The following ZNF26 variants were observed in gnomAD, a reference collection of about 807,000 sequenced individuals.
ZNF26 encodes zinc finger protein 26.
A neutral mutation model predicts 54.9 loss-of-function variants in ZNF26; 32 were observed. The observed-to-expected ratio is 0.58, with a 90% CI of 0.44 to 0.78. The LOEUF is 0.78. ZNF26 is among the 30% of genes least tolerant of loss of function. ZNF26 has a pLI of 0.00. For synonymous variants in ZNF26, 221 were observed against 209.2 expected (o/e 1.06, Z -0.49); for missense variants, 524 against 634.0 (o/e 0.83, Z 1.86).
rs1036544459 is a variant in ZNF26 at position 133,007,518 on chromosome 12, G to C, written c.242G>C (p.Arg81Thr). 1.0e-4 allele frequency: 164 copies of C among 1,613,326 alleles called. No homozygotes were observed. Among genetic ancestry groups the C allele is most frequent in the Non-Finnish European group, 1.4e-4 (161 of 1,179,596 alleles). Reference protein sequence around the residue: ...DPWIINAKISRQSCPDGWEEW... With the variant: ...DPWIINAKISTQSCPDGWEEW... ...TGGATAATAAATGCCAAAATTTCCAGGCAGAGCTGTCCAGGTGGGTGAGTG... is the reference window on the plus strand; with the variant it reads ...TGGATAATAAATGCCAAAATTTCCACGCAGAGCTGTCCAGGTGGGTGAGTG... The change falls in exon 3 of 4, where the codon AGG becomes ACG. Residue 81 changes from arginine (R) to threonine (T), a missense_variant. Transcript: ENST00000328654.
chr12:132,999,417 G>C (rs1953163136), intron 1 of ZNF26, among the ~76,000 whole-genome samples: 1 of 151,760 alleles, frequency 6.6e-6, no homozygotes, highest in South Asian at 2.1e-4. Flanking sequence ...ACCACACCTG[G>C]CTGATTTTTT....
chr12:133,006,864 G>C (rs1363971820), intron 1 of ZNF26, 178 bp from the exon 2 acceptor site: 29 of 769,532 alleles, frequency 3.8e-5, no homozygotes, highest in Non-Finnish European at 6.0e-5. Context: ...AAGTGCTGGC[G>C]TGAGCCACCG....
At position 133,026,519 on chromosome 12, in the gene ZNF26, C is replaced by CTTTTTT. The variant is rs77349696; in HGVS notation, c.*15058_*15063dup. 7 of 122,466 alleles carry CTTTTTT rather than the reference C, an allele frequency of 5.7e-5. 1 individual carries two copies. Among genetic ancestry groups the CTTTTTT allele is most frequent in the African/African-American group, 2.5e-4 (7 of 27,484 alleles). The allele number at this position is 122,466 out of a possible 1,614,324, so 7.6% of individuals were successfully genotyped here. ...AAAAGGACAACTTCATATAGTTCAACTTTTTTTTTTTTTTTTTTTTTTTTT... is the reference window on the plus strand; with the variant it reads ...AAAAGGACAACTTCATATAGTTCAACTTTTTTTTTTTTTTTTTTTTTTTTTTTTTTT... On this transcript the variant is annotated 3_prime_UTR_variant, in exon 4 of 4. Transcript: ENST00000328654.
At position 133,022,903 on chromosome 12, in the gene ZNF26, T is replaced by C. The variant is rs1368118754; in HGVS notation, c.*11422T>C. On this transcript the variant is annotated 3_prime_UTR_variant, in exon 4 of 4. Coordinates refer to ENST00000328654, the MANE Select transcript of ZNF26 (RefSeq NM_019591.4). Reference sequence around the variant, plus strand: ...TATATATTGTTTAGGCATATGTGTTTATGTGACAAAACAACGGGGAAAAAA... The same window carrying C: ...TATATATTGTTTAGGCATATGTGTTCATGTGACAAAACAACGGGGAAAAAA... 6.6e-6 allele frequency: 1 copy of C among 152,190 alleles called. No homozygotes were observed. The highest frequency in any genetic ancestry group is 1.5e-5 in the Non-Finnish European group (1 of 68,042). The allele number at this position is 152,190 out of a possible 1,614,324, so 9.4% of individuals were successfully genotyped here.
At chr12:132,999,595 A>G (rs893276384) in intron 1 of ZNF26, among the ~76,000 whole-genome samples, 6 of 152,088 alleles carry the variant, frequency 3.9e-5, no homozygotes, top group African/African-American at 1.4e-4. Context: ...TGGTTTACAC[A>G]AAGTATAATA....
chr12:132,997,196 G>A (rs1313727267), intron 1 of ZNF26, among the ~76,000 whole-genome samples: 1 of 152,248 alleles, frequency 6.6e-6, no homozygotes, highest in South Asian at 2.1e-4. Context: ...CAGAACAGGG[G>A]CTAATCAGAA....
chr12:132,991,638 A>C (rs1213392416), intron 1 of ZNF26, among the ~76,000 whole-genome samples: 19 of 29,932 alleles, frequency 6.3e-4, no homozygotes, highest in Admixed American at 4.9e-3. Flanking sequence ...AACAAAAAAA[A>C]AAAAAACCTA....
intron 1 of ZNF26, among the ~76,000 whole-genome samples, chr12:132,993,316 C>T (rs1276205084): frequency 5.3e-5 from 8 of 152,122 alleles, no homozygotes; most frequent in Middle Eastern, 3.4e-3. Context: ...TGAGCCACTA[C>T]GCCTGGCCTG....
chr12:132,995,471 ATATAT>A (rs1953058569), intron 1 of ZNF26, among the ~76,000 whole-genome samples: 1 of 150,590 alleles, frequency 6.6e-6, no homozygotes, highest in African/African-American at 2.4e-5. Flanking sequence ...TTACATAGTT[ATATAT>A]TATGATAGTT....
In ZNF26 at chr12:133,025,811, G is replaced by A. The variant is rs1282187338; in HGVS notation, c.*14330G>A. On this transcript the variant is annotated 3_prime_UTR_variant, in exon 4 of 4. Coordinates refer to ENST00000328654, the MANE Select transcript of ZNF26 (RefSeq NM_019591.4). Reference sequence around the variant, plus strand: ...AGAAAAAAAAGAATGCAGCAGAGATGAAGCTGTGTAACTTCCAAAGCTAGG... The same window carrying A: ...AGAAAAAAAAGAATGCAGCAGAGATAAAGCTGTGTAACTTCCAAAGCTAGG... 3.3e-5 allele frequency: 5 copies of A among 152,216 alleles called. No homozygotes were observed. Among genetic ancestry groups the A allele is most frequent in the Admixed American group, 6.5e-5 (1 of 15,282 alleles). 9.4% of individuals were successfully genotyped at this position (152,216 alleles called of 1,614,324 possible).
chr12:132,991,306 A>G (rs913290833), intron 1 of ZNF26, among the ~76,000 whole-genome samples: 3 of 149,910 alleles, frequency 2.0e-5, no homozygotes, highest in Non-Finnish European at 3.0e-5. Flanking sequence ...GACCAGCCTG[A>G]TCAACATGGT....
intron 1 of ZNF26, chr12:133,005,009 G>C (rs749747941): frequency 6.6e-6 from 1 of 151,720 alleles, no homozygotes; most frequent in Non-Finnish European, 1.5e-5. Context: ...CTTAAATTTG[G>C]ACCTTTTTTT....
At position 133,015,033 on chromosome 12, in the gene ZNF26, C is replaced by T. The variant is rs370446845; in HGVS notation, c.*3552C>T. The stretch of plus-strand genomic sequence containing the variant: ...AAGACCCTCAGCCCTCTCCCTCCAC[C>T]AAGACCCAATAAAAGTGTGTTATTG... On this transcript the variant is annotated 3_prime_UTR_variant, in exon 4 of 4. Coordinates refer to ENST00000328654, the MANE Select transcript of ZNF26 (RefSeq NM_019591.4). The T allele has an allele frequency of 6.6e-6, 1 of 152,252 alleles. No individual in the cohort carries two copies. Among genetic ancestry groups the T allele is most frequent in the African/African-American group, 2.4e-5 (1 of 41,526 alleles). The allele number at this position is 152,252 out of a possible 1,614,324, so 9.4% of individuals were successfully genotyped here. A position where few individuals can be genotyped will look rare whatever the true frequency, so the allele number is the denominator to read the frequency against.
In ZNF26 at chr12:133,010,316, TAAGA is replaced by T. The variant is rs1182005373; in HGVS notation, c.443_446del (p.Lys148IlefsTer22). The stretch of plus-strand genomic sequence containing the variant: ...AACTCAGCTCCAAGCAGAAGTTATT[TAAGA>T]AAGAATCCTGATAAGTTTCATGGTT... On this transcript the variant is annotated frameshift_variant, in exon 4 of 4. Transcript: ENST00000328654. LOFTEE classifies it high-confidence loss of function. 6.2e-7 allele frequency: 1 copy of T among 1,613,894 alleles called. No homozygotes were observed. The highest frequency in any genetic ancestry group is 2.2e-5 in the East Asian group (1 of 44,882).
At position 133,013,637 on chromosome 12, in the gene ZNF26, A is replaced by C. The variant is rs1399003054; in HGVS notation, c.*2156A>C. On this transcript the variant is annotated 3_prime_UTR_variant, in exon 4 of 4. Coordinates refer to ENST00000328654, the MANE Select transcript of ZNF26 (RefSeq NM_019591.4). ...TAGCAAACTCTTCTGATAGACTTTG[A>C]ATAGGAGTATCTGGGAAGAACCTGA... is the stretch of plus-strand genomic sequence containing the variant. The C allele has an allele frequency of 6.1e-6, 1 of 163,658 alleles. No homozygotes were observed. Among genetic ancestry groups the C allele is most frequent in the Admixed American group, 6.5e-5 (1 of 15,294 alleles). 10.1% of individuals were successfully genotyped at this position (163,658 alleles called of 1,614,324 possible).
chr12:133,010,092 T>G (rs1593669240), intron 3 of ZNF26, 44 bp from the exon 4 acceptor site: 1 of 1,543,564 alleles, frequency 6.5e-7, no homozygotes, highest in Non-Finnish European at 8.7e-7. Context: ...ATATCAGGTT[T>G]ATGTTATGAT....
rs1953701352 is a variant in ZNF26, at chr12:133,026,135, A to T, written c.*14654A>T. The T allele has an allele frequency of 6.7e-6, 1 of 150,214 alleles. No individual in the cohort carries two copies. Among genetic ancestry groups the T allele is most frequent in the Non-Finnish European group, 1.5e-5 (1 of 67,750 alleles). The allele number at this position is 150,214 out of a possible 1,614,324, so 9.3% of individuals were successfully genotyped here. A position where few individuals can be genotyped will look rare whatever the true frequency, so the allele number is the denominator to read the frequency against. On this transcript the variant is annotated 3_prime_UTR_variant, in exon 4 of 4. Coordinates refer to ENST00000328654, the MANE Select transcript of ZNF26 (RefSeq NM_019591.4). Reference sequence around the variant, plus strand: ...TTTTTTTTTTTTGAGATGCACTCTCACTCTTTCCCAGGCTGGAGTGCAGTG... The same window carrying T: ...TTTTTTTTTTTTGAGATGCACTCTCTCTCTTTCCCAGGCTGGAGTGCAGTG...
Position 133,023,906 on chromosome 12 carries a change from A to G in ZNF26, c.*12425A>G, listed in dbSNP as rs1486152165. On this transcript the variant is annotated 3_prime_UTR_variant, in exon 4 of 4. Coordinates refer to ENST00000328654, the MANE Select transcript of ZNF26 (RefSeq NM_019591.4). ...AATCTCAAATAATCCATATAGAGAA[A>G]CCACATAGAGAGGCTCTGAGATTAC... 1 of 152,186 alleles carries G rather than the reference A, an allele frequency of 6.6e-6. No homozygotes were observed. Among genetic ancestry groups the G allele is most frequent in the East Asian group, 1.9e-4 (1 of 5,196 alleles). 9.4% of individuals were successfully genotyped at this position (152,186 alleles called of 1,614,324 possible).
rs753230516 is a variant in ZNF26 at position 133,019,017 on chromosome 12, GAAGTA to G, written c.*7540_*7544del. On this transcript the variant is annotated 3_prime_UTR_variant, in exon 4 of 4. Coordinates refer to ENST00000328654, the MANE Select transcript of ZNF26 (RefSeq NM_019591.4). ...CATACTCAAAGATACAATTGGATTA[GAAGTA>G]AAGGATGGAAAAAGATATAAAACGC... 4.6e-5 allele frequency: 7 copies of G among 152,136 alleles called. No individual in the cohort carries two copies. The highest frequency in any genetic ancestry group is 1.7e-4 in the African/African-American group (7 of 41,426). 9.4% of individuals were successfully genotyped at this position (152,136 alleles called of 1,614,324 possible). A position where few individuals can be genotyped will look rare whatever the true frequency, so the allele number is the denominator to read the frequency against.
Sources: allele counts gnomAD v4.1 joint callset (sites outside exome capture counted in the v4.1 genomes callset), GRCh38; gene constraint gnomAD v4.1.1; transcripts MANE v1.5; gene names NCBI Gene and HGNC (gene_info 2026-07-23, HGNC 2026-07-21).